The following NAV3 variants were observed in gnomAD, a reference collection of about 807,000 sequenced individuals.
NAV3 encodes pore membrane and/or filament interacting like protein 1.
Under a neutral mutation model 244.7 loss-of-function variants are expected in NAV3, and 87 were observed. The observed-to-expected ratio is 0.36, with a 90% CI of 0.30 to 0.42. The LOEUF is 0.42. Ranked by LOEUF, NAV3 falls within the 20% of genes least tolerant of loss-of-function variation. The pLI is 1.00. For missense variants in NAV3, 2,663 were observed against 2,893.3 expected, an observed-to-expected ratio of 0.92 and a Z score of 1.83; for synonymous variants, 1,126 against 1,042.2, an observed-to-expected ratio of 1.08 and a Z score of -1.55.
chr12:77,855,488 T>C (rs529361167), intron 1 of NAV3, among the ~76,000 whole-genome samples: 19 of 152,334 alleles, frequency 1.2e-4, no homozygotes, highest in Non-Finnish European at 2.4e-4. Flanking sequence ...CTCTGTTCAA[T>C]GACATTGTGA....
chr12:77,588,356 T>C (rs1174683716), intron 2 of NAV3, among the ~76,000 whole-genome samples: 1 of 152,034 alleles, frequency 6.6e-6, no homozygotes, highest in African/African-American at 2.4e-5. Flanking sequence ...TGAGCTCAAG[T>C]GATCATCCTG....
At chr12:77,960,431 C>A (rs141304628) in intron 3 of NAV3, among the ~76,000 whole-genome samples, 1,396 of 136,142 alleles carry the variant, frequency 0.01, 7 homozygotes, top group Middle Eastern at 0.027. Flanking sequence ...TACATTCTGG[C>A]CAGTCATATA....
chr12:78,031,328 C>G (rs546578437), intron 9 of NAV3, among the ~76,000 whole-genome samples: 34 of 152,170 alleles, frequency 2.2e-4, no homozygotes, highest in African/African-American at 8.2e-4. Flanking sequence ...GATAACAGCA[C>G]CTTGATTTTC....
intron 2 of NAV3, among the ~76,000 whole-genome samples, chr12:77,735,304 TA>T: frequency 6.6e-6 from 1 of 152,154 alleles, no homozygotes; most frequent in Non-Finnish European, 1.5e-5. Context: ...CCTCTGAGTA[TA>T]AACATTTGGT....
At chr12:77,869,377 GTAA>G (rs1044283571) in intron 1 of NAV3, among the ~76,000 whole-genome samples, 3 of 151,014 alleles carry the variant, frequency 2.0e-5, no homozygotes, top group African/African-American at 7.4e-5. Flanking sequence ...TGTTATGGAA[GTAA>G]TAATTTTTAC....
intron 2 of NAV3, among the ~76,000 whole-genome samples, chr12:77,777,408 A>G (rs1352861538): frequency 1.3e-5 from 2 of 152,190 alleles, no homozygotes; most frequent in African/African-American, 4.8e-5. Context: ...TGGAGTAGGC[A>G]TTGTGACATG....
chr12:78,101,126 C>A (rs1236201858), intron 12 of NAV3, among the ~76,000 whole-genome samples: 1 of 152,116 alleles, frequency 6.6e-6, no homozygotes, highest in Non-Finnish European at 1.5e-5. Flanking sequence ...AGATTGGATT[C>A]GTTATTGATT....
At chr12:77,849,048 A>G (rs1293425845) in intron 1 of NAV3, among the ~76,000 whole-genome samples, 1 of 152,132 alleles carries the variant, frequency 6.6e-6, no homozygotes, top group African/African-American at 2.4e-5. Context: ...CTTCATAGAC[A>G]TTGTTGGCAA....
intron 4 of NAV3, among the ~76,000 whole-genome samples, chr12:77,966,851 G>C (rs1892567644): frequency 6.6e-6 from 1 of 151,992 alleles, no homozygotes; most frequent in Non-Finnish European, 1.5e-5. Flanking sequence ...AAAATTGAAA[G>C]AGAGCAAAAT....
At chr12:78,008,950 A>G (rs1167927821) in intron 8 of NAV3, among the ~76,000 whole-genome samples, 2 of 152,228 alleles carry the variant, frequency 1.3e-5, no homozygotes, top group Non-Finnish European at 2.9e-5. Flanking sequence ...TAAATATGTC[A>G]TACTCAGCAC....
chr12:77,862,024 T>A (rs1198769705), intron 1 of NAV3, among the ~76,000 whole-genome samples: 3 of 151,834 alleles, frequency 2.0e-5, no homozygotes, highest in Non-Finnish European at 2.9e-5. Context: ...AATATACTTT[T>A]CTACTTTCTC....
chr12:78,006,376 G>T (rs1360533555), intron 7 of NAV3, 43 bp from the exon 8 acceptor site: 1 of 1,555,634 alleles, frequency 6.4e-7, no homozygotes, highest in South Asian at 1.2e-5. Context: ...AAATGATCAA[G>T]ATTAATCGCC....
rs181475260 is a variant in NAV3, at chr12:78,161,826, A to C, written c.4869+2540A>C. Reference sequence around the variant, plus strand: ...CTCAAAGTGATATTTAAAAGCCTATAAAATTATTTGCAATGTGAAATGGTA... The same window carrying C: ...CTCAAAGTGATATTTAAAAGCCTATCAAATTATTTGCAATGTGAAATGGTA... On this transcript the variant is annotated intron_variant, in intron 23 of 39. Transcript: ENST00000397909. Among the ~76,000 whole-genome samples, 501 of 152,234 alleles carry C rather than the reference A, an allele frequency of 3.3e-3. 2 individuals are homozygous for C. Among genetic ancestry groups the C allele is most frequent in the Admixed American group, 7.7e-3 (117 of 15,266 alleles).
At chr12:77,778,429 G>C (rs1189734620) in intron 2 of NAV3, among the ~76,000 whole-genome samples, 1 of 151,254 alleles carries the variant, frequency 6.6e-6, no homozygotes, top group Non-Finnish European at 1.5e-5. Context: ...TGGCTAACAC[G>C]GTGAAACCCC....
chr12:77,873,773 T>TATATAA (rs762527287), intron 1 of NAV3, among the ~76,000 whole-genome samples: 4,249 of 128,516 alleles, frequency 0.033, 178 homozygotes, highest in East Asian at 0.05. Flanking sequence ...TATATGTATA[T>TATATAA]AACAGCATAT....
chr12:77,822,034 G>T (rs575486310), intron 2 of NAV3, among the ~76,000 whole-genome samples: 1 of 151,788 alleles, frequency 6.6e-6, no homozygotes, highest in Admixed American at 6.6e-5. Flanking sequence ...TTTTTCACTC[G>T]GGGAGCTGAT....
At chr12:78,015,526 A>G (rs1056261462) in intron 8 of NAV3, among the ~76,000 whole-genome samples, 1 of 152,142 alleles carries the variant, frequency 6.6e-6, no homozygotes, top group East Asian at 1.9e-4. Context: ...TCGAAATGAT[A>G]CTGTGTTTTT....
intron 23 of NAV3, among the ~76,000 whole-genome samples, chr12:78,160,378 A>AGTGTGT (rs10628612): frequency 0.24 from 31,245 of 132,898 alleles, 3,830 homozygotes; most frequent in South Asian, 0.35. Context: ...AATTCTATGG[A>AGTGTGT]GTGTGTGTGT....
At chr12:78,091,048 A>C (rs1374331385) in intron 12 of NAV3, among the ~76,000 whole-genome samples, 1 of 151,858 alleles carries the variant, frequency 6.6e-6, no homozygotes, top group Admixed American at 6.6e-5. Context: ...CAATTATAAT[A>C]CTGGGAAATG....
Sources: gnomAD v4.1 joint callset for allele counts (sites outside exome capture counted in the v4.1 genomes callset) on GRCh38, gnomAD v4.1.1 for gene constraint, MANE v1.5 for transcripts, NCBI Gene and HGNC (gene_info 2026-07-23, HGNC 2026-07-21) for gene names.